SLC26A3: variants seen among roughly 807,000 people sequenced by gnomAD.
SLC26A3 encodes the protein solute carrier family 26 member 3.
A neutral mutation model predicts 85.6 loss-of-function variants in SLC26A3; 64 were observed. That is an observed-to-expected ratio of 0.75 (90% confidence interval 0.61 to 0.92). SLC26A3 has a LOEUF of 0.92. Ranked by LOEUF, SLC26A3 falls within the 40% of genes least tolerant of loss-of-function variation. SLC26A3 has a pLI of 0.00. For synonymous variants in SLC26A3, 349 were observed against 336.0 expected (o/e 1.04, Z -0.42); for missense variants, 922 against 927.3 (o/e 0.99, Z 0.07).
At chr7:107,774,923 T>C in intron 15 of SLC26A3, 51 bp from the exon 16 acceptor site, 1 of 1,324,502 alleles carries the variant, frequency 7.6e-7, no homozygotes, top group African/African-American at 1.4e-5. Context: ...CTGTTATTTA[T>C]ATAGCATAGT....
At chr7:107,789,804 A>G (rs1335746420) in intron 5 of SLC26A3, 116 bp from the exon 6 acceptor site, 3 of 1,130,852 alleles carry the variant, frequency 2.7e-6, no homozygotes, top group South Asian at 1.4e-5. Context: ...CTGTATGTAC[A>G]TGCCTTGAAG....
At chr7:107,777,337 G>A (rs1345831968) in intron 13 of SLC26A3, among the ~76,000 whole-genome samples, 1 of 152,164 alleles carries the variant, frequency 6.6e-6, no homozygotes, top group Non-Finnish European at 1.5e-5. Context: ...GCTCATGACT[G>A]TAATCCCAGC....
At chr7:107,791,807 A>G in intron 4 of SLC26A3, 23 bp downstream of exon 4, 1 of 1,378,322 alleles carries the variant, frequency 7.3e-7, no homozygotes, top group Non-Finnish European at 1.0e-6. Context: ...TGTGAGCATT[A>G]ATCAGCTCAG....
At chr7:107,776,779 T>C in intron 13 of SLC26A3, 73 bp from the exon 14 acceptor site, 1 of 1,357,006 alleles carries the variant, frequency 7.4e-7, no homozygotes, top group Non-Finnish European at 1.0e-6. Context: ...ACTGACTTTT[T>C]CCAGCATACC....
chr7:107,777,692 G>A (rs2115825567), intron 13 of SLC26A3, among the ~76,000 whole-genome samples: 1 of 152,240 alleles, frequency 6.6e-6, no homozygotes, highest in East Asian at 1.9e-4. Context: ...GAATTTTAAG[G>A]TAAGAGGGGC....
intron 18 of SLC26A3, among the ~76,000 whole-genome samples, chr7:107,770,959 G>A (rs1381235525): frequency 6.6e-6 from 1 of 152,184 alleles, no homozygotes; most frequent in African/African-American, 2.4e-5. Flanking sequence ...AAAAATTCCT[G>A]AAGAAGGCTT....
At chr7:107,794,794 A>G (rs1016892250) in intron 1 of SLC26A3, among the ~76,000 whole-genome samples, 197 bp from the exon 2 acceptor site, 1 of 152,178 alleles carries the variant, frequency 6.6e-6, no homozygotes, top group Non-Finnish European at 1.5e-5. Flanking sequence ...AGTAAACAAG[A>G]GCTTTATTTT....
chr7:107,790,971 G>T (rs112547008), intron 5 of SLC26A3, 77 bp downstream of exon 5: 3 of 1,461,758 alleles, frequency 2.1e-6, no homozygotes, highest in African/African-American at 2.8e-5. Flanking sequence ...AGTGGCAGGG[G>T]GGAGGAAAAA....
At chr7:107,768,588 G>A (rs1394211557) in intron 18 of SLC26A3, among the ~76,000 whole-genome samples, 2 of 152,140 alleles carry the variant, frequency 1.3e-5, no homozygotes, top group African/African-American at 2.4e-5. Flanking sequence ...GACAGAAAAC[G>A]TGTGGTATAA....
At chr7:107,790,215 C>G (rs1056868154) in intron 5 of SLC26A3, among the ~76,000 whole-genome samples, 1 of 152,124 alleles carries the variant, frequency 6.6e-6, no homozygotes, top group Non-Finnish European at 1.5e-5. Context: ...TTAATTCCCC[C>G]CTAAAGCATC....
chr7:107,792,244 C>A (rs1039232835), intron 3 of SLC26A3, among the ~76,000 whole-genome samples: 1 of 152,074 alleles, frequency 6.6e-6, no homozygotes, highest in African/African-American at 2.4e-5. Flanking sequence ...TTTCCACTGA[C>A]TAGGGAAGGG....
rs1252879762 is a variant in SLC26A3, at chr7:107,789,184, T to TCAA, written c.735+337_735+339dup. ...CAGGCTGGAGTGCAGTGGCGTGATC[T>TCAA]CAACTCACTGCAAGATCCGCCTCCT... On this transcript the variant is annotated intron_variant, in intron 6 of 20. Coordinates refer to ENST00000340010, the MANE Select transcript of SLC26A3 (RefSeq NM_000111.3). Among the ~76,000 whole-genome samples the TCAA allele has an allele frequency of 8.0e-5, 12 of 150,228 alleles. No individual in the cohort carries two copies. The South Asian group carries it at 2.5e-3, about 32-fold the overall frequency.
At chr7:107,773,664 C>A (rs548260611) in intron 17 of SLC26A3, among the ~76,000 whole-genome samples, 2 of 152,168 alleles carry the variant, frequency 1.3e-5, no homozygotes, top group Admixed American at 1.3e-4. Context: ...TATTCTCCTG[C>A]CTCAGCCTCC....
rs375712304 is a variant in SLC26A3 at position 107,786,803 on chromosome 7, T to C, written c.971+24A>G. On this transcript the variant is annotated intron_variant, in intron 8 of 20. Coordinates refer to ENST00000340010, the MANE Select transcript of SLC26A3 (RefSeq NM_000111.3). ...TAACTCTCTGCTTAGTGCATGGTGA[T>C]GCCATCATCGAAGACACACTTACCC... 3 of 1,589,922 alleles carry C rather than the reference T, an allele frequency of 1.9e-6. No homozygotes were observed. In the African/African-American group the frequency reaches 4.0e-5, roughly 21 times the overall value.
chr7:107,794,537 T>C lies in SLC26A3; in HGVS notation c.-28A>G. On this transcript the variant is annotated 5_prime_UTR_variant, in exon 2 of 21. Transcript: ENST00000340010. Reference sequence around the variant, plus strand: ...TGATTTTTCTGTTGGCTGTGGCAAGTTGAAGACCTTTGCAACTATGTGGTG... The same window carrying C: ...TGATTTTTCTGTTGGCTGTGGCAAGCTGAAGACCTTTGCAACTATGTGGTG... 2 of 1,613,632 alleles carry C rather than the reference T, an allele frequency of 1.2e-6. No individual in the cohort carries two copies. The highest frequency in any genetic ancestry group is 1.7e-6 in the Non-Finnish European group (2 of 1,179,598).
At chr7:107,802,302 T>C in intron 1 of SLC26A3, among the ~76,000 whole-genome samples, 1 of 152,276 alleles carries the variant, frequency 6.6e-6, no homozygotes, top group South Asian at 2.1e-4. Context: ...GTTAGTAATG[T>C]ATGGGATAAG....
At position 107,783,305 on chromosome 7, in the gene SLC26A3, A is replaced by G. The variant is rs1300746563; in HGVS notation, c.1019T>C (p.Val340Ala). ...TPDVETFQNT[V>A]GDCFGIAMVA... ...CATTGCGATGCCGAAGCAATCTCCT[A>G]CGGTGTTTTGGAAAGTCTCCACGTC... is the stretch of plus-strand genomic sequence containing the variant. The change falls in exon 9 of 21, where the codon GTA (valine) becomes GCA (alanine). Residue 340 changes from valine (V) to alanine (A), a missense_variant. By Grantham distance (64) the Val-to-Ala change is moderately conservative (BLOSUM62 0). Transcript: ENST00000340010. 2 of 1,614,136 alleles carry G rather than the reference A, an allele frequency of 1.2e-6. No individual in the cohort carries two copies. The highest frequency in any genetic ancestry group is 2.2e-5 in the South Asian group (2 of 91,078).
Position 107,787,434 on chromosome 7 carries a change from C to T in SLC26A3, c.811G>A (p.Val271Ile), listed in dbSNP as rs1794316376. 6.2e-7 allele frequency: 1 copy of T among 1,613,968 alleles called. No individual in the cohort carries two copies. The highest frequency in any genetic ancestry group is 8.5e-7 in the Non-Finnish European group (1 of 1,179,922). Reference protein sequence around the residue: ...DLVTALIVLLVVSIVKEINQR... With the variant: ...DLVTALIVLLIVSIVKEINQR... ...TTTATTTCTTTAACAATGGATACAACCAAAAGGACAATCAGAGCTGTCACC... is the reference window on the plus strand; with the variant it reads ...TTTATTTCTTTAACAATGGATACAATCAAAAGGACAATCAGAGCTGTCACC... Residue 271 changes from valine (V) to isoleucine (I), a missense_variant, in exon 7 of 21, where the codon GTT (valine) becomes ATT (isoleucine). Val to Ile is a conservative substitution (Grantham distance 29, BLOSUM62 3). Coordinates refer to ENST00000340010, the MANE Select transcript of SLC26A3 (RefSeq NM_000111.3).
intron 1 of SLC26A3, among the ~76,000 whole-genome samples, chr7:107,798,833 G>A (rs2115905469): frequency 6.6e-6 from 1 of 152,318 alleles, no homozygotes. Flanking sequence ...GAGCCAGTCA[G>A]TGCAAAACCA....
Sources: allele counts gnomAD v4.1 joint callset (sites outside exome capture counted in the v4.1 genomes callset), GRCh38; gene constraint gnomAD v4.1.1; transcripts MANE v1.5; gene names NCBI Gene and HGNC (gene_info 2026-07-23, HGNC 2026-07-21).